The following SPMIP2 variants were observed in gnomAD, a reference collection of about 807,000 sequenced individuals.
SPMIP2 encodes the protein protein SPMIP2.
the SPMIP2 span, among the ~76,000 whole-genome samples, chr4:158,972,033 T>C: frequency 6.6e-6 from 1 of 152,174 alleles, no homozygotes; most frequent in Non-Finnish European, 1.5e-5. Context: ...TGTGCTCCCA[T>C]CCACCCTCCT....
At chr4:159,053,784 C>T in the SPMIP2 span, among the ~76,000 whole-genome samples, 2 of 151,994 alleles carry the variant, frequency 1.3e-5, no homozygotes, top group South Asian at 2.1e-4. Context: ...TTCTTTCTTT[C>T]CTTCAATTAG....
chr4:159,051,109 A>C, the SPMIP2 span, among the ~76,000 whole-genome samples: 1 of 149,966 alleles, frequency 6.7e-6, no homozygotes, highest in African/African-American at 2.5e-5. Flanking sequence ...ACTCCGTCTC[A>C]GAAAAAAAAA....
At chr4:158,901,767 T>C in the SPMIP2 span, among the ~76,000 whole-genome samples, 2 of 151,982 alleles carry the variant, frequency 1.3e-5, no homozygotes, top group African/African-American at 4.8e-5. Context: ...TTTCTTCTGC[T>C]TGATTGATCC....
chr4:158,988,172 C>CA, the SPMIP2 span, among the ~76,000 whole-genome samples: 1 of 152,246 alleles, frequency 6.6e-6, no homozygotes, highest in Non-Finnish European at 1.5e-5. Flanking sequence ...GGCACATACA[C>CA]CCTCCCAAGT....
the SPMIP2 span, among the ~76,000 whole-genome samples, chr4:159,056,780 G>A: frequency 6.6e-6 from 1 of 152,164 alleles, no homozygotes; most frequent in Non-Finnish European, 1.5e-5. Flanking sequence ...AGCAACAAGT[G>A]GGGTGGGGAT....
At chr4:159,081,533 A>T in the SPMIP2 span, among the ~76,000 whole-genome samples, 2 of 152,050 alleles carry the variant, frequency 1.3e-5, no homozygotes, top group Non-Finnish European at 2.9e-5. Flanking sequence ...TCTACAAAAA[A>T]TATAAAAATT....
the SPMIP2 span, among the ~76,000 whole-genome samples, chr4:158,978,400 G>A: frequency 1.3e-5 from 2 of 152,182 alleles, no homozygotes; most frequent in Non-Finnish European, 2.9e-5. Context: ...TATTAATTTG[G>A]GGTGGAGAGT....
chr4:159,003,267 A>G, the SPMIP2 span, among the ~76,000 whole-genome samples: 26 of 152,092 alleles, frequency 1.7e-4, no homozygotes, highest in African/African-American at 6.0e-4. Flanking sequence ...AATGGGCCAT[A>G]CTCCAGCTGA....
the SPMIP2 span, among the ~76,000 whole-genome samples, chr4:159,080,477 T>C: frequency 2.0e-5 from 3 of 152,056 alleles, no homozygotes; most frequent in Non-Finnish European, 2.9e-5. Context: ...GCCTCGGGTC[T>C]CAAAGTGCTG....
the SPMIP2 span, among the ~76,000 whole-genome samples, chr4:159,074,304 C>T: frequency 0.011 from 1,596 of 151,996 alleles, 35 homozygotes; most frequent in African/African-American, 0.037. Flanking sequence ...TGAAGGCAGG[C>T]GTAGAAGAGA....
chr4:159,030,462 A>ATTTT, the SPMIP2 span, among the ~76,000 whole-genome samples: 2 of 134,118 alleles, frequency 1.5e-5, no homozygotes, highest in Non-Finnish European at 3.1e-5. Flanking sequence ...AGAAAGCAAA[A>ATTTT]TTTTATTTAT....
chr4:159,011,210 T>C, the SPMIP2 span, among the ~76,000 whole-genome samples: 130 of 152,228 alleles, frequency 8.5e-4, no homozygotes, highest in Non-Finnish European at 1.5e-3. Context: ...AAAATGAAAA[T>C]GTAATCATTC....
the SPMIP2 span, among the ~76,000 whole-genome samples, chr4:159,055,318 C>T: frequency 6.6e-6 from 1 of 152,154 alleles, no homozygotes; most frequent in Admixed American, 6.5e-5. Context: ...TGAGAATTTA[C>T]AAATGTCATG....
chr4:158,988,177 C>A, the SPMIP2 span, among the ~76,000 whole-genome samples: 1 of 152,110 alleles, frequency 6.6e-6, no homozygotes, highest in East Asian at 1.9e-4. Flanking sequence ...ATACACCCTC[C>A]CAAGTCTAAA....
At chr4:158,969,321 A>G in the SPMIP2 span, among the ~76,000 whole-genome samples, 410 of 152,332 alleles carry the variant, frequency 2.7e-3, 2 homozygotes, top group African/African-American at 8.7e-3. Context: ...TTGAAACTAA[A>G]GAAACTGTTT....
the SPMIP2 span, chr4:158,905,376 A>T: frequency 6.6e-6 from 1 of 152,128 alleles, no homozygotes; most frequent in Admixed American, 6.5e-5. Flanking sequence ...CCACTTACCA[A>T]AGTTATTTCT....
chr4:159,050,063 T>C, the SPMIP2 span, among the ~76,000 whole-genome samples: 1 of 152,236 alleles, frequency 6.6e-6, no homozygotes, highest in Non-Finnish European at 1.5e-5. Flanking sequence ...TCAACACATA[T>C]TCTCTGGCCC....
the SPMIP2 span, among the ~76,000 whole-genome samples, chr4:159,055,899 A>C: frequency 2.0e-5 from 3 of 152,134 alleles, no homozygotes; most frequent in African/African-American, 7.2e-5. Context: ...AGGATAAAGA[A>C]AGCTTTTACT....
chr4:158,915,084 T>C, the SPMIP2 span: 38,595 of 1,149,440 alleles, frequency 0.034, 1,066 homozygotes, highest in Admixed American at 0.13. Context: ...TGATTATTAG[T>C]ATTACTATGA....
Sources: allele counts gnomAD v4.1 joint callset (sites outside exome capture counted in the v4.1 genomes callset), GRCh38; gene constraint gnomAD v4.1.1; transcripts MANE v1.5; gene names NCBI Gene and HGNC (gene_info 2026-07-23, HGNC 2026-07-21).